CWC22: variants seen among roughly 807,000 people sequenced by gnomAD.
The protein encoded by CWC22 is pre-mRNA-splicing factor CWC22 homolog.
Under a neutral mutation model 117.2 loss-of-function variants are expected in CWC22, and 53 were observed. The ratio of observed to expected loss-of-function variants is 0.45; its 90% CI spans 0.36 to 0.57. The LOEUF (loss-of-function observed/expected upper bound fraction) is 0.57, where lower values mean the gene tolerates loss of function less well. CWC22 is among the 20% of genes least tolerant of loss of function. The pLI, the probability that CWC22 is intolerant of heterozygous loss-of-function variation, is 0.00. For synonymous variants in CWC22, 360 were observed against 355.6 expected (o/e 1.01, Z -0.14); for missense variants, 980 against 1,068.8 (o/e 0.92, Z 1.16).
rs1354836358 is a variant in CWC22 at position 179,965,909 on chromosome 2, T to C, written c.1284A>G (p.Glu428=). 6.3e-7 allele frequency: 1 copy of C among 1,589,746 alleles called. No homozygotes were observed. The highest frequency in any genetic ancestry group is 1.3e-5 in the African/African-American group (1 of 74,520). ...DAGSSEEDEE[E]EEEEGEEDEE... ...CATCTTCTTCTCCCTCTTCCTCTTC[T>C]TCTTCCTCGTCCTCTTCACTACTCC... The change falls in exon 12 of 20, where the codon GAA becomes GAG. Residue 428 remains glutamate (E), a synonymous_variant. Coordinates refer to ENST00000410053, the MANE Select transcript of CWC22 (RefSeq NM_020943.3).
rs1321461701 is a variant in CWC22 at position 179,945,703 on chromosome 2, C to T, written c.2153G>A (p.Arg718Lys). The change falls in exon 20 of 20, where the codon AGA becomes AAA. Residue 718 changes from arginine to lysine, a missense_variant. This residue lies in a region of CWC22 where 306 missense variants were observed against 296.8 expected (regional missense o/e 1.03). Coordinates refer to ENST00000410053, the MANE Select transcript of CWC22 (RefSeq NM_020943.3). ...SHSSASANDV[R>K]KKGHGKTRSK... ...TCTGGTCTTCCCATGTCCCTTCTTT[C>T]TTACATCATTAGCTGCGTGTGTAAA... The T allele has an allele frequency of 6.3e-7, 1 of 1,580,128 alleles. No individual in the cohort carries two copies. The highest frequency in any genetic ancestry group is 2.2e-5 in the East Asian group (1 of 44,720).
chr2:179,967,912 T>A (rs1359068876), intron 11 of CWC22, among the ~76,000 whole-genome samples: 1 of 152,178 alleles, frequency 6.6e-6, no homozygotes, highest in Non-Finnish European at 1.5e-5. Flanking sequence ...AAACTGAGAC[T>A]GTCACTTTGG....
In CWC22 at chr2:179,946,449, C is replaced by CAA. The variant is rs61200729; in HGVS notation, c.2141-736_2141-735dup. On this transcript the variant is annotated intron_variant, in intron 19 of 19. Coordinates refer to ENST00000410053, the MANE Select transcript of CWC22 (RefSeq NM_020943.3). ...CTGGGTAACAAAGTGGGACTCTGTC[C>CAA]AAAAAAAAAAAAAAAGGGGGGGGGG... 6.3e-3 allele frequency among the ~76,000 whole-genome samples: 261 copies of CAA among 41,536 alleles called. 21 individuals are homozygous for CAA. Among genetic ancestry groups the CAA allele is most frequent in the African/African-American group, 0.022 (189 of 8,756 alleles). The allele number at this position is 41,536 out of a possible 152,430, so 27.2% of individuals were successfully genotyped here.
At chr2:179,963,644 A>G (rs564244691) in intron 13 of CWC22, among the ~76,000 whole-genome samples, 3 of 151,898 alleles carry the variant, frequency 2.0e-5, no homozygotes, top group South Asian at 4.2e-4. Flanking sequence ...GCCCGGCCAT[A>G]TTTAATACTT....
intron 7 of CWC22, 24 bp downstream of exon 7, chr2:179,973,610 T>C (rs766650666): frequency 1.4e-6 from 2 of 1,450,882 alleles, no homozygotes; most frequent in South Asian, 1.3e-5. Flanking sequence ...TGTATCATTC[T>C]ACTTACAAGC....
intron 8 of CWC22, among the ~76,000 whole-genome samples, chr2:179,972,056 T>C (rs981933314): frequency 6.6e-6 from 1 of 152,162 alleles, no homozygotes. Context: ...AACGGAAATA[T>C]ATCTCTGGTT....
At chr2:179,946,592 T>G (rs1215390893) in intron 19 of CWC22, among the ~76,000 whole-genome samples, 2 of 151,992 alleles carry the variant, frequency 1.3e-5, no homozygotes, top group African/African-American at 2.4e-5. Context: ...ATGTAAAAAT[T>G]TTAGAAAGCG....
chr2:179,954,653 T>C (rs1271415785), intron 15 of CWC22, among the ~76,000 whole-genome samples: 1 of 152,092 alleles, frequency 6.6e-6, no homozygotes. Context: ...GAACATGTAC[T>C]TGACTTTAGA....
intron 5 of CWC22, among the ~76,000 whole-genome samples, chr2:179,979,405 G>GA (rs1006648153): frequency 4.5e-4 from 69 of 151,982 alleles, no homozygotes; most frequent in Non-Finnish European, 7.2e-4. Flanking sequence ...ATTCTCAAAA[G>GA]AAAAAAACAA....
In CWC22 at chr2:179,965,928, C is replaced by T. The variant is rs371185756; in HGVS notation, c.1265G>A (p.Ser422Asn). The T allele has an allele frequency of 3.7e-6, 6 of 1,609,334 alleles. No individual in the cohort carries two copies. The highest frequency in any genetic ancestry group is 1.1e-5 in the South Asian group (1 of 90,926). Residue 422 changes from serine to asparagine, a missense_variant, in exon 12 of 20, where the codon AGT (serine) becomes AAT (asparagine). Around this residue, in one of 3 missense-constraint regions of CWC22, gnomAD observed 559 missense variants for 602.3 expected, o/e 0.93. Coordinates refer to ENST00000410053, the MANE Select transcript of CWC22 (RefSeq NM_020943.3). ...CTCTTCTTCTTCCTCGTCCTCTTCA[C>T]TACTCCCAGCATCCTGGTCTGTGTT... ...DSNTDQDAGSSEEDEEEEEEE... is the reference protein window; with the variant it reads ...DSNTDQDAGSNEEDEEEEEEE...
At chr2:179,955,953 T>C (rs1686580769) in intron 14 of CWC22, among the ~76,000 whole-genome samples, 2 of 151,978 alleles carry the variant, frequency 1.3e-5, no homozygotes, top group South Asian at 4.1e-4. Flanking sequence ...TCTATAAAGA[T>C]TTACCAGAAA....
At chr2:179,955,130 A>G in intron 14 of CWC22, 96 bp from the exon 15 acceptor site, 1 of 891,682 alleles carries the variant, frequency 1.1e-6, no homozygotes, top group South Asian at 1.5e-5. Context: ...GCATTTTTAA[A>G]TAAGGGTTTA....
chr2:180,006,609 G>A (rs1428982801), intron 1 of CWC22, among the ~76,000 whole-genome samples: 3 of 152,314 alleles, frequency 2.0e-5, no homozygotes, highest in Admixed American at 6.5e-5. Context: ...AGAGGCATAA[G>A]AGTGCAAGTA....
In CWC22 at chr2:179,950,602, C is replaced by T. The variant is rs141615048; in HGVS notation, c.2050G>A (p.Asp684Asn). The change falls in exon 19 of 20, where the codon GAC becomes AAC. Residue 684 changes from aspartate (D) to asparagine (N), a missense_variant. Around this residue, in one of 3 missense-constraint regions of CWC22, gnomAD observed 306 missense variants for 296.8 expected, o/e 1.03. Coordinates refer to ENST00000410053, the MANE Select transcript of CWC22 (RefSeq NM_020943.3). ...CTATCACTGCTGTCAGAATCAGAGT[C>T]GGATGAGTCAGACTCTGAAGAGGAG... ...ASSSSESDSS[D>N]SDSDSSDSSS... The T allele has an allele frequency of 2.1e-4, 345 of 1,613,410 alleles. No homozygotes were observed. In the East Asian group the frequency reaches 5.1e-3, roughly 24 times the overall value.
At chr2:179,964,764 A>C in intron 12 of CWC22, 136 bp from the exon 13 acceptor site, 1 of 554,314 alleles carries the variant, frequency 1.8e-6, no homozygotes, top group Non-Finnish European at 3.1e-6. Flanking sequence ...TTTACTGTGT[A>C]AATTAGTATT....
intron 1 of CWC22, among the ~76,000 whole-genome samples, chr2:180,002,758 C>T (rs961724316): frequency 2.0e-5 from 3 of 152,116 alleles, no homozygotes; most frequent in African/African-American, 7.2e-5. Context: ...AGGAATTATC[C>T]ATATCGAAAG....
intron 6 of CWC22, among the ~76,000 whole-genome samples, chr2:179,976,703 A>G (rs1559292370): frequency 6.6e-6 from 1 of 152,340 alleles, no homozygotes; most frequent in East Asian, 1.9e-4. Context: ...CCACAATGAG[A>G]CATCTCACAA....
Position 179,950,923 on chromosome 2 carries a change from A to C in CWC22, c.1821T>G (p.Thr607=). The C allele has an allele frequency of 1.9e-6, 3 of 1,545,188 alleles. 1 individual carries two copies. In the South Asian group the frequency reaches 3.6e-5, roughly 18 times the overall value. The change falls in exon 18 of 20, where the codon ACT becomes ACG. Residue 607 remains threonine, a synonymous_variant. Transcript: ENST00000410053. ...ATAATCCTTCAAAGAATGGCTGCAG[A>C]GTTCTAAAAAGGAAAAAAATAAACA... ...PKLNARLKDE[T]LQPFFEGLLP...
intron 14 of CWC22, among the ~76,000 whole-genome samples, chr2:179,957,402 G>A (rs1382494969): frequency 6.6e-6 from 1 of 151,776 alleles, no homozygotes; most frequent in African/African-American, 2.4e-5. Flanking sequence ...TTCTGTAAAG[G>A]GCCAGATAAT....
Sources: gnomAD v4.1 joint callset for allele counts (sites outside exome capture counted in the v4.1 genomes callset) on GRCh38, gnomAD v4.1.1 for gene constraint, gnomAD v4.1.1 regional missense constraint, MANE v1.5 for transcripts, NCBI Gene and HGNC (gene_info 2026-07-23, HGNC 2026-07-21) for gene names.